Variants in GPC5 observed in about 807,000 individuals in gnomAD.
GPC5 encodes glypican 5.
In GPC5, 47 loss-of-function variants were observed where a neutral mutation model predicts 53.9. That is an observed-to-expected ratio of 0.87 (90% CI 0.69 to 1.11). GPC5 has a LOEUF of 1.11. Among genes scored for constraint, GPC5 ranks in the 50% most tolerant of loss-of-function variants. GPC5 has a pLI of 0.00. For synonymous variants in GPC5, 286 were observed against 263.3 expected, an observed-to-expected ratio of 1.09 and a Z score of -0.84; for missense variants, 748 against 713.1, an observed-to-expected ratio of 1.05 and a Z score of -0.56.
At chr13:92,798,730 A>G (rs1876795888) in intron 7 of GPC5, among the ~76,000 whole-genome samples, 1 of 151,780 alleles carries the variant, frequency 6.6e-6, no homozygotes, top group African/African-American at 2.4e-5. Context: ...GGCTGTTGCA[A>G]TTTTTCCTTT....
intron 7 of GPC5, among the ~76,000 whole-genome samples, chr13:92,615,427 G>A (rs1439807095): frequency 6.6e-6 from 1 of 152,194 alleles, no homozygotes; most frequent in Admixed American, 6.6e-5. Context: ...TATAGAACAT[G>A]TGGTTTAGCA....
At chr13:91,571,838 C>CACG (rs377443060) in intron 2 of GPC5, among the ~76,000 whole-genome samples, 1 of 61,624 alleles carries the variant, frequency 1.6e-5, no homozygotes, top group African/African-American at 1.5e-4. Flanking sequence ...TACACATATA[C>CACG]TTGTGTGTAT....
chr13:92,311,409 C>T (rs539590127), intron 7 of GPC5, among the ~76,000 whole-genome samples: 149 of 152,156 alleles, frequency 9.8e-4, no homozygotes, highest in African/African-American at 3.5e-3. Flanking sequence ...TTCAATTACT[C>T]GTACATTTTA....
At chr13:91,455,668 C>G (rs563647485) in intron 2 of GPC5, among the ~76,000 whole-genome samples, 68 of 152,180 alleles carry the variant, frequency 4.5e-4, no homozygotes, top group African/African-American at 1.6e-3. Flanking sequence ...TTTTTATGTG[C>G]TATAGAAATC....
At position 92,280,760 on chromosome 13, in the gene GPC5, C is replaced by T. The variant is rs114892054; in HGVS notation, c.1561+135771C>T. On this transcript the variant is annotated intron_variant, in intron 7 of 7. Coordinates refer to ENST00000377067, the MANE Select transcript of GPC5 (RefSeq NM_004466.6). Reference sequence around the variant, plus strand: ...TCTTATAAGAAAATATGACGGGGTGCGGGGGGCGGTTGCAAGATGGCCTAA... The same window carrying T: ...TCTTATAAGAAAATATGACGGGGTGTGGGGGGCGGTTGCAAGATGGCCTAA... Among the ~76,000 whole-genome samples, 722 of 151,846 alleles carry T rather than the reference C, an allele frequency of 4.8e-3. 5 individuals are homozygous for T. The highest frequency in any genetic ancestry group is 0.015 in the African/African-American group (630 of 41,408).
At position 92,375,885 on chromosome 13, in the gene GPC5, G is replaced by T. The variant is rs144333575; in HGVS notation, c.1561+230896G>T. On this transcript the variant is annotated intron_variant, in intron 7 of 7. Transcript: ENST00000377067. ...GAAATACCTAGGTTAGAATTTGATT[G>T]ACTACCTGAGAAAGGTAACCTAGCC... Among the ~76,000 whole-genome samples the T allele has an allele frequency of 5.9e-3, 903 of 152,244 alleles. 8 individuals are homozygous for T. Among genetic ancestry groups the T allele is most frequent in the African/African-American group, 0.018 (766 of 41,540 alleles).
chr13:91,854,090 G>A (rs927898069), intron 5 of GPC5, among the ~76,000 whole-genome samples: 1 of 150,246 alleles, frequency 6.7e-6, no homozygotes, highest in Admixed American at 6.7e-5. Context: ...GTCAAGAATA[G>A]GTACCAGTGT....
intron 7 of GPC5, among the ~76,000 whole-genome samples, chr13:92,258,956 A>G (rs569859765): frequency 1.2e-4 from 19 of 152,292 alleles, no homozygotes; most frequent in African/African-American, 4.6e-4. Flanking sequence ...CTAAAACAAA[A>G]TGTAAAATTC....
At chr13:92,030,109 C>T (rs1275657489) in intron 6 of GPC5, among the ~76,000 whole-genome samples, 2 of 152,074 alleles carry the variant, frequency 1.3e-5, no homozygotes, top group Non-Finnish European at 2.9e-5. Flanking sequence ...GCTGACTGAA[C>T]AGCAGCAGTA....
chr13:91,687,432 A>T (rs1405691403), intron 2 of GPC5, among the ~76,000 whole-genome samples: 4 of 152,038 alleles, frequency 2.6e-5, no homozygotes, highest in South Asian at 2.1e-4. Flanking sequence ...TTTTGTCATT[A>T]AATTAAGATT....
intron 5 of GPC5, among the ~76,000 whole-genome samples, chr13:91,895,857 T>C (rs1361402902): frequency 6.6e-6 from 1 of 152,158 alleles, no homozygotes; most frequent in East Asian, 1.9e-4. Flanking sequence ...ATCAGTGTAA[T>C]TGGGCCGAAA....
intron 7 of GPC5, among the ~76,000 whole-genome samples, chr13:92,409,590 A>G (rs929672869): frequency 6.6e-6 from 1 of 152,154 alleles, no homozygotes; most frequent in African/African-American, 2.4e-5. Context: ...CAGAAGCTGT[A>G]TAAGTAAAGC....
At chr13:91,973,584 C>T (rs1417481280) in intron 6 of GPC5, among the ~76,000 whole-genome samples, 1 of 152,142 alleles carries the variant, frequency 6.6e-6, no homozygotes, top group East Asian at 1.9e-4. Context: ...TGTTTTTTCC[C>T]CATCTTTGTG....
intron 7 of GPC5, among the ~76,000 whole-genome samples, chr13:92,306,758 T>C (rs917995627): frequency 6.6e-6 from 1 of 152,194 alleles, no homozygotes; most frequent in African/African-American, 2.4e-5. Context: ...AGTTCATCAG[T>C]TACTGTGCAT....
intron 5 of GPC5, among the ~76,000 whole-genome samples, chr13:91,863,326 A>C (rs1324661858): frequency 6.6e-6 from 1 of 152,068 alleles, no homozygotes; most frequent in Admixed American, 6.5e-5. Flanking sequence ...CTCTATTTCT[A>C]GATTCTGTTA....
At chr13:92,251,300 G>A (rs908724899) in intron 7 of GPC5, among the ~76,000 whole-genome samples, 2 of 152,094 alleles carry the variant, frequency 1.3e-5, no homozygotes, top group African/African-American at 4.8e-5. Flanking sequence ...GGGGATGATG[G>A]CACCGTTAAC....
intron 5 of GPC5, among the ~76,000 whole-genome samples, chr13:91,789,476 G>T (rs921459600): frequency 6.6e-6 from 1 of 152,016 alleles, no homozygotes; most frequent in South Asian, 2.1e-4. Context: ...CATATAATTG[G>T]AACTAAAAAC....
chr13:91,845,691 A>G (rs943507124), intron 5 of GPC5, among the ~76,000 whole-genome samples: 5 of 152,138 alleles, frequency 3.3e-5, no homozygotes, highest in African/African-American at 7.2e-5. Context: ...CATTCCCTCA[A>G]CAGTACCAAG....
At chr13:92,043,492 A>G (rs1375627631) in intron 6 of GPC5, among the ~76,000 whole-genome samples, 1 of 152,232 alleles carries the variant, frequency 6.6e-6, no homozygotes, top group East Asian at 1.9e-4. Flanking sequence ...TTTCTAGATC[A>G]TCAAGCCAGT....
Sources: gnomAD v4.1 joint callset for allele counts (sites outside exome capture counted in the v4.1 genomes callset) on GRCh38, gnomAD v4.1.1 for gene constraint, MANE v1.5 for transcripts, NCBI Gene and HGNC (gene_info 2026-07-23, HGNC 2026-07-21) for gene names.